CNTN5: variants seen among roughly 807,000 people sequenced by gnomAD.
CNTN5 encodes contactin 5, also known as contactin-5.
CNTN5 carries 77 observed loss-of-function variants against 129.1 expected under a neutral mutation model. The ratio of observed to expected loss-of-function variants is 0.60; its 90% CI spans 0.50 to 0.72. The LOEUF (loss-of-function observed/expected upper bound fraction) is 0.72, where lower values mean the gene tolerates loss of function less well. CNTN5 is among the 30% of genes least tolerant of loss of function. CNTN5 has a pLI of 0.00. For synonymous variants in CNTN5, 509 were observed against 465.6 expected (o/e 1.09, Z -1.20); for missense variants, 1,478 against 1,328.8 (o/e 1.11, Z -1.75).
rs1449237945 is a variant in CNTN5, at chr11:99,998,039, G to C, written c.878-3995G>C. ...AAGAGCTATCTATGACAAACCCACA[G>C]CCAATATCATACTGAATGGGCAAAA... is the stretch of plus-strand genomic sequence containing the variant. On this transcript the variant is annotated intron_variant, in intron 8 of 24. Coordinates refer to ENST00000524871, the MANE Select transcript of CNTN5 (RefSeq NM_014361.4). 6.6e-5 allele frequency among the ~76,000 whole-genome samples: 10 copies of C among 152,170 alleles called. No individual in the cohort carries two copies. In the East Asian group the frequency reaches 1.9e-3, roughly 29 times the overall value.
intron 6 of CNTN5, among the ~76,000 whole-genome samples, chr11:99,907,450 C>A (rs1045820108): frequency 1.3e-5 from 2 of 151,808 alleles, no homozygotes; most frequent in Non-Finnish European, 2.9e-5. Context: ...AAATAAGGAA[C>A]AAAACTATGT....
At chr11:100,315,747 A>G (rs1441150359) in intron 21 of CNTN5, among the ~76,000 whole-genome samples, 4 of 152,212 alleles carry the variant, frequency 2.6e-5, no homozygotes, top group Non-Finnish European at 5.9e-5. Context: ...GTATCTTTCA[A>G]ATATTTGAGA....
chr11:100,228,273 C>T (rs887117813), intron 16 of CNTN5, among the ~76,000 whole-genome samples: 2 of 152,262 alleles, frequency 1.3e-5, no homozygotes, highest in Middle Eastern at 3.4e-3. Flanking sequence ...CAAACTTGAA[C>T]AATTTTCACT....
intron 1 of CNTN5, among the ~76,000 whole-genome samples, chr11:99,060,363 T>C (rs10790436): frequency 0.4 from 61,162 of 151,942 alleles, 13,040 homozygotes; most frequent in Non-Finnish European, 0.48. Context: ...GCATGCAAAA[T>C]GTATATTATC....
chr11:99,373,904 G>A (rs1373980092), intron 2 of CNTN5, among the ~76,000 whole-genome samples: 4 of 151,766 alleles, frequency 2.6e-5, no homozygotes, highest in East Asian at 3.8e-4. Context: ...ATCTTTACAA[G>A]CCTCAGGAAT....
intron 8 of CNTN5, among the ~76,000 whole-genome samples, chr11:99,995,319 A>C (rs2431065): frequency 1.7e-5 from 2 of 121,180 alleles, no homozygotes; most frequent in African/African-American, 7.8e-5. Context: ...CTCCTTTGCC[A>C]AAAAATTAAA....
At chr11:100,276,257 C>T (rs891874001) in intron 18 of CNTN5, among the ~76,000 whole-genome samples, 2 of 152,150 alleles carry the variant, frequency 1.3e-5, no homozygotes, top group African/African-American at 2.4e-5. Context: ...AAGAAATACT[C>T]GGTCAGGCAC....
intron 3 of CNTN5, among the ~76,000 whole-genome samples, chr11:99,732,336 A>G (rs1943562825): frequency 6.6e-6 from 1 of 152,212 alleles, no homozygotes; most frequent in African/African-American, 2.4e-5. Context: ...TATTACTGAT[A>G]ATAAGTTTAG....
intron 8 of CNTN5, among the ~76,000 whole-genome samples, chr11:99,988,038 T>A (rs772496667): frequency 2.0e-5 from 3 of 152,236 alleles, no homozygotes; most frequent in Non-Finnish European, 4.4e-5. Context: ...GATGAAGCTA[T>A]GATAATCAGC....
intron 3 of CNTN5, among the ~76,000 whole-genome samples, chr11:99,816,211 G>A (rs180850590): frequency 6.6e-6 from 1 of 151,924 alleles, no homozygotes; most frequent in Admixed American, 6.6e-5. Context: ...TTCCAGATTC[G>A]AGTAGCTCTG....
chr11:99,055,637 G>T (rs2135190524), intron 1 of CNTN5, among the ~76,000 whole-genome samples: 1 of 151,744 alleles, frequency 6.6e-6, no homozygotes, highest in East Asian at 1.9e-4. Flanking sequence ...CTCATAAGCT[G>T]TATGGTGTAC....
intron 1 of CNTN5, among the ~76,000 whole-genome samples, chr11:99,150,727 A>G (rs961227018): frequency 6.6e-6 from 1 of 152,064 alleles, no homozygotes; most frequent in Non-Finnish European, 1.5e-5. Context: ...GTCGTATTCA[A>G]TTCTATTTTA....
At chr11:99,994,825 C>T (rs916726982) in intron 8 of CNTN5, among the ~76,000 whole-genome samples, 9 of 152,078 alleles carry the variant, frequency 5.9e-5, no homozygotes, top group African/African-American at 1.4e-4. Context: ...TAGAAACATT[C>T]GGCTGAGTTT....
At chr11:99,306,707 C>T (rs1472835435) in intron 1 of CNTN5, among the ~76,000 whole-genome samples, 1 of 150,524 alleles carries the variant, frequency 6.6e-6, no homozygotes, top group Non-Finnish European at 1.5e-5. Context: ...GCACTCCAGC[C>T]TGGGCGACAG....
intron 2 of CNTN5, among the ~76,000 whole-genome samples, chr11:99,388,309 G>A (rs569121660): frequency 6.6e-6 from 1 of 151,632 alleles, no homozygotes; most frequent in South Asian, 2.1e-4. Context: ...CAGCTACTTG[G>A]GAGGCTGAGG....
chr11:99,785,517 A>T (rs888712532), intron 3 of CNTN5, among the ~76,000 whole-genome samples: 1 of 151,796 alleles, frequency 6.6e-6, no homozygotes, highest in Non-Finnish European at 1.5e-5. Flanking sequence ...TTTCATCCTT[A>T]TACCAAAACC....
At chr11:99,536,239 T>C (rs10750318) in intron 2 of CNTN5, among the ~76,000 whole-genome samples, 50,582 of 152,024 alleles carry the variant, frequency 0.33, 8,782 homozygotes, top group Non-Finnish European at 0.39. Flanking sequence ...AATAGACTAT[T>C]GGCCTTCAAA....
chr11:100,249,329 A>G (rs1949912286), intron 16 of CNTN5, among the ~76,000 whole-genome samples: 1 of 152,192 alleles, frequency 6.6e-6, no homozygotes, highest in Admixed American at 6.6e-5. Context: ...TCAGTCTGCA[A>G]TGCTGGGGAA....
At chr11:99,274,099 A>G (rs1235276609) in intron 1 of CNTN5, among the ~76,000 whole-genome samples, 1 of 151,796 alleles carries the variant, frequency 6.6e-6, no homozygotes, top group Non-Finnish European at 1.5e-5. Context: ...AGTGGCTAAC[A>G]TATTAGACTG....
Sources: allele counts gnomAD v4.1 joint callset (sites outside exome capture counted in the v4.1 genomes callset), GRCh38; gene constraint gnomAD v4.1.1; transcripts MANE v1.5; gene names NCBI Gene and HGNC (gene_info 2026-07-23, HGNC 2026-07-21).